CDC42BPB: variants seen among roughly 807,000 people sequenced by gnomAD.
CDC42BPB encodes the protein serine/threonine-protein kinase MRCK beta.
A neutral mutation model predicts 214.9 loss-of-function variants in CDC42BPB; 37 were observed. The observed-to-expected ratio is 0.17, with a 90% CI of 0.13 to 0.23. The LOEUF (loss-of-function observed/expected upper bound fraction) is 0.23. Ranked by LOEUF, CDC42BPB falls within the 10% of genes least tolerant of loss-of-function variation. The pLI, the probability that CDC42BPB is intolerant of heterozygous loss-of-function variation, is 1.00. For synonymous variants in CDC42BPB, 931 were observed against 884.0 expected (o/e 1.05, Z -0.94); for missense variants, 1,694 against 2,227.0 (o/e 0.76, Z 4.82).
At chr14:103,034,972 G>A (rs1345498605) in intron 1 of CDC42BPB, among the ~76,000 whole-genome samples, 1 of 151,760 alleles carries the variant, frequency 6.6e-6, no homozygotes, top group Admixed American at 6.6e-5. Flanking sequence ...TGCTATTGGA[G>A]AAAAACTATA....
Position 103,000,021 on chromosome 14 carries a change from G to A in CDC42BPB, c.448-308C>T, listed in dbSNP as rs1894907281. The A allele has an allele frequency of 1.6e-5, 7 of 448,606 alleles. 1 individual carries two copies. In the South Asian group the frequency reaches 5.6e-4, roughly 36 times the overall value. The allele number at this position is 448,606 out of a possible 1,614,324, so 27.8% of individuals were successfully genotyped here. ...CTCTAAAAGCTAGTGACCCAAAGCA[G>A]AAGCACAGTTAATAGCCCATCAATC... is the stretch of plus-strand genomic sequence containing the variant. On this transcript the variant is annotated intron_variant, in intron 4 of 36. Coordinates refer to ENST00000361246, the MANE Select transcript of CDC42BPB (RefSeq NM_006035.4).
At chr14:103,037,179 T>C (rs996928986) in intron 1 of CDC42BPB, among the ~76,000 whole-genome samples, 10 of 152,196 alleles carry the variant, frequency 6.6e-5, no homozygotes, top group African/African-American at 2.2e-4. Context: ...GACTAGAACA[T>C]GCTTTAAAAT....
rs984369161 is a variant in CDC42BPB at position 103,004,808 on chromosome 14, G to C, written c.352-785C>G. 6.6e-6 allele frequency among the ~76,000 whole-genome samples: 1 copy of C among 151,978 alleles called. No individual in the cohort carries two copies. Among genetic ancestry groups the C allele is most frequent in the Non-Finnish European group, 1.5e-5 (1 of 67,986 alleles). Reference sequence around the variant, plus strand: ...TGCTTGAGCCCAGGAAGCGGAGGTTGCGGTGAGCCAAAATTGCATCACCGT... The same window carrying C: ...TGCTTGAGCCCAGGAAGCGGAGGTTCCGGTGAGCCAAAATTGCATCACCGT... On this transcript the variant is annotated intron_variant, in intron 3 of 36. Coordinates refer to ENST00000361246, the MANE Select transcript of CDC42BPB (RefSeq NM_006035.4). This position sits in a 1 kb window ranked among gnomAD's most constrained non-coding sequence, Gnocchi z 5.3.
chr14:102,962,770 T>G (rs1165825083), intron 20 of CDC42BPB, among the ~76,000 whole-genome samples: 2 of 152,172 alleles, frequency 1.3e-5, no homozygotes, highest in African/African-American at 4.8e-5. Flanking sequence ...GGAGAATCCT[T>G]GAACCCAGGA....
rs1317252880 is a variant in CDC42BPB at position 102,938,286 on chromosome 14, G to A, written c.4933+20C>T. 8.7e-6 allele frequency: 14 copies of A among 1,605,784 alleles called. No homozygotes were observed. The highest frequency in any genetic ancestry group is 1.2e-5 in the Non-Finnish European group (14 of 1,176,476). On this transcript the variant is annotated intron_variant, in intron 35 of 36. Coordinates refer to ENST00000361246, the MANE Select transcript of CDC42BPB (RefSeq NM_006035.4). ...CCCCCCACCTCCCCCAGGGCTGCGGGGGCCAGGCTTCCCCTGTACCTGATG... is the reference window on the plus strand; with the variant it reads ...CCCCCCACCTCCCCCAGGGCTGCGGAGGCCAGGCTTCCCCTGTACCTGATG...
chr14:102,995,341 A>G (rs771325541), intron 5 of CDC42BPB, among the ~76,000 whole-genome samples: 23 of 152,030 alleles, frequency 1.5e-4, no homozygotes, highest in Non-Finnish European at 2.6e-4. Context: ...AGCCTGGCTA[A>G]TTTTTTGTAT....
At chr14:102,941,865 G>A (rs1347203340) in intron 30 of CDC42BPB, among the ~76,000 whole-genome samples, 2 of 152,200 alleles carry the variant, frequency 1.3e-5, no homozygotes, top group Non-Finnish European at 2.9e-5. Context: ...AGCAAAGGGT[G>A]CAGAATGAGC....
At chr14:102,959,764 A>T (rs1395491278) in intron 20 of CDC42BPB, 54 bp from the exon 21 acceptor site, 100 of 1,462,956 alleles carry the variant, frequency 6.8e-5, no homozygotes, top group Non-Finnish European at 8.7e-5. Flanking sequence ...TCTACATATT[A>T]TTTTCAGACA....
At chr14:102,973,386 A>G (rs903738784) in intron 12 of CDC42BPB, among the ~76,000 whole-genome samples, 1 of 152,230 alleles carries the variant, frequency 6.6e-6, no homozygotes, top group Non-Finnish European at 1.5e-5. Context: ...CACGCATATA[A>G]TTGTGTTAGT....
At chr14:102,984,820 A>G (rs1318603637) in intron 6 of CDC42BPB, among the ~76,000 whole-genome samples, 1 of 152,216 alleles carries the variant, frequency 6.6e-6, no homozygotes, top group Non-Finnish European at 1.5e-5. Flanking sequence ...GCAGCACCCC[A>G]GAGCCAGTGG....
intron 5 of CDC42BPB, among the ~76,000 whole-genome samples, chr14:102,993,448 C>A (rs951137946): frequency 1.3e-4 from 19 of 151,976 alleles, no homozygotes; most frequent in Non-Finnish European, 2.2e-4. Context: ...GACTCTCCCA[C>A]GTCCACCAGT....
At chr14:102,975,852 C>A (rs745878549) in intron 10 of CDC42BPB, 31 bp downstream of exon 10, 1 of 1,613,900 alleles carries the variant, frequency 6.2e-7, no homozygotes, top group South Asian at 1.1e-5. Context: ...GCAGCGCCCC[C>A]GCCTGGCCCC....
At chr14:103,056,814 G>C (rs573291881) in intron 1 of CDC42BPB, among the ~76,000 whole-genome samples, 185 bp downstream of exon 1, 1 of 152,146 alleles carries the variant, frequency 6.6e-6, no homozygotes, top group African/African-American at 2.4e-5. Flanking sequence ...TGCAAGGAGC[G>C]GCTGGAGAGA....
At chr14:103,010,749 T>G (rs1886108899) in intron 2 of CDC42BPB, among the ~76,000 whole-genome samples, 1 of 152,164 alleles carries the variant, frequency 6.6e-6, no homozygotes, top group Admixed American at 6.5e-5. Flanking sequence ...AAGCAAAACT[T>G]GGCCAGGCGC....
chr14:102,990,699 C>A (rs1228240016), intron 5 of CDC42BPB, among the ~76,000 whole-genome samples: 1 of 152,146 alleles, frequency 6.6e-6, no homozygotes, highest in Admixed American at 6.5e-5. Flanking sequence ...GGGCCTTGAG[C>A]TCTTCTGAGA....
chr14:102,951,448 G>A (rs566902065), intron 24 of CDC42BPB, among the ~76,000 whole-genome samples: 35 of 152,316 alleles, frequency 2.3e-4, no homozygotes, highest in African/African-American at 7.9e-4. Context: ...GAGGGGGTAA[G>A]AGCATGTCGA....
chr14:102,972,180 A>G lies in CDC42BPB; in HGVS notation c.1642-19T>C, dbSNP rs1893503970. On this transcript the variant is annotated intron_variant, in intron 12 of 36. Coordinates refer to ENST00000361246, the MANE Select transcript of CDC42BPB (RefSeq NM_006035.4). ...CCAGTTGCTGAACAAAAACAATTAT[A>G]GATGTTTTACGTTTGCCTAACAAAG... 2.5e-6 allele frequency: 4 copies of G among 1,609,744 alleles called. No individual in the cohort carries two copies. The South Asian group carries it at 3.3e-5, about 13-fold the overall frequency.
At chr14:102,960,785 C>A (rs1595468754) in intron 20 of CDC42BPB, among the ~76,000 whole-genome samples, 1 of 152,170 alleles carries the variant, frequency 6.6e-6, no homozygotes, top group Admixed American at 6.5e-5. Flanking sequence ...GGACAACCAG[C>A]TAGCCATTAG....
At chr14:102,980,466 C>G (rs940154230) in intron 8 of CDC42BPB, among the ~76,000 whole-genome samples, 32 of 151,990 alleles carry the variant, frequency 2.1e-4, no homozygotes, top group African/African-American at 5.6e-4. Context: ...GCACTCCAGC[C>G]TGGCGACAGA....
Sources: allele counts gnomAD v4.1 joint callset (sites outside exome capture counted in the v4.1 genomes callset), GRCh38; gene constraint gnomAD v4.1.1; non-coding constraint Gnocchi (gnomAD v3.1); transcripts MANE v1.5; gene names NCBI Gene and HGNC (gene_info 2026-07-23, HGNC 2026-07-21).